KCNQ2: variants seen among roughly 807,000 people sequenced by gnomAD.
KCNQ2 encodes potassium voltage-gated channel subfamily Q member 2.
Under a neutral mutation model 84.8 loss-of-function variants are expected in KCNQ2, and 14 were observed. The ratio of observed to expected loss-of-function variants is 0.17; its 90% CI spans 0.11 to 0.26. KCNQ2 has a LOEUF of 0.26. Among genes scored for constraint, KCNQ2 ranks in the 10% least tolerant of loss-of-function variants. KCNQ2 has a pLI of 1.00. For missense variants in KCNQ2, 788 were observed against 1,254.0 expected (o/e 0.63, Z 5.61); for synonymous variants, 599 against 554.1 (o/e 1.08, Z -1.14).
chr20:63,433,763 T>TA (rs750405170), intron 8 of KCNQ2, 46 bp downstream of exon 8: 5 of 1,612,910 alleles, frequency 3.1e-6, no homozygotes, highest in Admixed American at 1.7e-5. Flanking sequence ...AAATGGAAAA[T>TA]AAAAAATGAA....
Position 63,414,066 on chromosome 20 carries a change from C to T in KCNQ2, c.1631+22G>A, listed in dbSNP as rs1357715221. On this transcript the variant is annotated intron_variant, in intron 14 of 16. Coordinates refer to ENST00000359125, the MANE Select transcript of KCNQ2 (RefSeq NM_172107.4). The surrounding 1 kb of genome is among the most constrained non-coding windows in gnomAD (Gnocchi z 6.6). ...AGGCCCCTCCTCACTCCCCCAGGCT[C>T]CCGGCTGGGCAGGGGCCTCACCACA... 1.9e-6 allele frequency: 3 copies of T among 1,590,684 alleles called. No homozygotes were observed. Among genetic ancestry groups the T allele is most frequent in the Non-Finnish European group, 2.6e-6 (3 of 1,159,666 alleles).
intron 11 of KCNQ2, among the ~76,000 whole-genome samples, chr20:63,421,342 T>C (rs3787128): frequency 0.54 from 82,530 of 152,134 alleles, 22,437 homozygotes; most frequent in East Asian, 0.62. Flanking sequence ...AACAGCCACA[T>C]GTGGCTGGCA....
intron 11 of KCNQ2, chr20:63,422,665 A>G (rs1379304621): frequency 1.3e-5 from 2 of 152,444 alleles, no homozygotes; most frequent in Non-Finnish European, 1.5e-5. Context: ...AAGAGAGGGC[A>G]GACGAGAGAG....
At chr20:63,457,472 G>A (rs1256756962) in intron 1 of KCNQ2, among the ~76,000 whole-genome samples, 1 of 152,204 alleles carries the variant, frequency 6.6e-6, no homozygotes, top group Non-Finnish European at 1.5e-5. Flanking sequence ...GCCTCCAAAC[G>A]GCCTGGGCCT....
At chr20:63,444,259 C>T (rs530431196) in intron 4 of KCNQ2, among the ~76,000 whole-genome samples, 3 of 152,308 alleles carry the variant, frequency 2.0e-5, no homozygotes, top group South Asian at 2.1e-4. Flanking sequence ...GGACAGCGGC[C>T]GCCGCAAGCC....
rs118015498 is a variant in KCNQ2, at chr20:63,431,223, G to A, written c.1148+117C>T. On this transcript the variant is annotated intron_variant, in intron 9 of 16. Coordinates refer to ENST00000359125, the MANE Select transcript of KCNQ2 (RefSeq NM_172107.4). ...TAGGGATGCTCGGTGGGCAGGGACA[G>A]TGGTCACTCTGCAGACCGGGTGGGC... is the stretch of plus-strand genomic sequence containing the variant. 0.037 allele frequency: 42,834 copies of A among 1,164,560 alleles called. 1,021 individuals are homozygous for A. The highest frequency in any genetic ancestry group is 0.043 in the Non-Finnish European group (33,544 of 772,530). The allele number at this position is 1,164,560 out of a possible 1,614,324, so 72.1% of individuals were successfully genotyped here.
At chr20:63,453,454 T>C (rs992737416) in intron 1 of KCNQ2, among the ~76,000 whole-genome samples, 1 of 152,242 alleles carries the variant, frequency 6.6e-6, no homozygotes, top group South Asian at 2.1e-4. Flanking sequence ...CTGGGAAAAA[T>C]GCGCAGACAT....
intron 4 of KCNQ2, among the ~76,000 whole-genome samples, chr20:63,443,142 C>A: frequency 1.5e-5 from 1 of 68,894 alleles, no homozygotes. Context: ...CCATCATCAC[C>A]ACCACCATCA....
intron 8 of KCNQ2, among the ~76,000 whole-genome samples, chr20:63,431,742 A>G (rs2080793096): frequency 6.6e-6 from 1 of 152,184 alleles, no homozygotes; most frequent in African/African-American, 2.4e-5. Flanking sequence ...GCAGGTAGCA[A>G]CTGAGGACTG....
chr20:63,421,210 C>G (rs6010930), intron 11 of KCNQ2, among the ~76,000 whole-genome samples: 1,771 of 152,370 alleles, frequency 0.012, 37 homozygotes, highest in African/African-American at 0.041. Flanking sequence ...CGGGCCGGCC[C>G]TGCCGCCCGA....
At chr20:63,424,316 G>A (rs1428428429) in intron 10 of KCNQ2, 110 bp from the exon 11 acceptor site, 9 of 1,305,558 alleles carry the variant, frequency 6.9e-6, no homozygotes, top group Middle Eastern at 2.1e-4. Flanking sequence ...GCAGGGGAGG[G>A]GGGTCTCAGA....
At chr20:63,470,720 G>A (rs1175188224) in intron 1 of KCNQ2, 3 of 152,298 alleles carry the variant, frequency 2.0e-5, no homozygotes, top group Non-Finnish European at 4.4e-5. Flanking sequence ...ACCTTGGGCA[G>A]GGACCTGGCT....
At chr20:63,413,243 G>A (rs1045906844) in intron 15 of KCNQ2, 11 of 610,714 alleles carry the variant, frequency 1.8e-5, no homozygotes, top group African/African-American at 3.7e-5. Flanking sequence ...GCCCACCGCG[G>A]TGTGGATGGG....
Position 63,424,085 on chromosome 20 carries a change from AC to A in KCNQ2, c.1247+91del, listed in dbSNP as rs772312070. The A allele has an allele frequency of 2.8e-6, 4 of 1,408,238 alleles. No individual in the cohort carries two copies. The South Asian group carries it at 4.9e-5, about 17-fold the overall frequency. 87.2% of individuals were successfully genotyped at this position (1,408,238 alleles called of 1,614,324 possible). A position where few individuals can be genotyped will look rare whatever the true frequency, so the allele number is the denominator to read the frequency against. ...ACACGGAAGCACACACAAGGCCCTCACATCTCCATGACAGGTTGCGCACACG... is the reference window on the plus strand; with the variant it reads ...ACACGGAAGCACACACAAGGCCCTCAATCTCCATGACAGGTTGCGCACACG... On this transcript the variant is annotated intron_variant, in intron 11 of 16. Transcript: ENST00000359125.
At chr20:63,459,062 T>C (rs1482363755) in intron 1 of KCNQ2, 1 of 152,084 alleles carries the variant, frequency 6.6e-6, no homozygotes, top group African/African-American at 2.4e-5. Context: ...GTAGATAAAC[T>C]GAGGTCCGTC....
chr20:63,433,161 A>C (rs2080882769), intron 8 of KCNQ2, among the ~76,000 whole-genome samples: 3 of 152,234 alleles, frequency 2.0e-5, no homozygotes, highest in Admixed American at 2.0e-4. Flanking sequence ...TAAAACAAAA[A>C]AACACGGGAA....
At chr20:63,445,147 C>A (rs768099339) in intron 3 of KCNQ2, 91 bp downstream of exon 3, 23 of 1,564,852 alleles carry the variant, frequency 1.5e-5, no homozygotes, top group Non-Finnish European at 1.8e-5. Context: ...GCCTCTCTGG[C>A]CCACGCAGAC....
intron 1 of KCNQ2, among the ~76,000 whole-genome samples, chr20:63,468,243 G>C (rs529902836): frequency 1.9e-3 from 295 of 152,332 alleles, no homozygotes; most frequent in African/African-American, 6.7e-3. Flanking sequence ...TACACAGGAG[G>C]CTGTGGGAAG....
Position 63,472,453 on chromosome 20 carries a change from T to A in KCNQ2, c.11A>T (p.Lys4Met). Residue 4 changes from lysine to methionine, a missense_variant, in exon 1 of 17, where the codon AAG (lysine) becomes ATG (methionine). Lys to Met is a moderately conservative substitution (Grantham distance 95). Around this residue, in one of 8 missense-constraint regions of KCNQ2, gnomAD observed 41 missense variants for 41.2 expected, o/e 0.99. Coordinates refer to ENST00000359125, the MANE Select transcript of KCNQ2 (RefSeq NM_172107.4). Reference protein sequence around the residue: MVQKSRNGGVYPGP... With the variant: MVQMSRNGGVYPGP... ...GGGGTATACGCCGCCGTTGCGCGAC[T>A]TCTGCACCATGGTGCCTGGCGGGAG... 1 of 1,522,082 alleles carries A rather than the reference T, an allele frequency of 6.6e-7. No individual in the cohort carries two copies. The highest frequency in any genetic ancestry group is 8.8e-7 in the Non-Finnish European group (1 of 1,142,012). The allele number at this position is 1,522,082 out of a possible 1,614,324, so 94.3% of individuals were successfully genotyped here.
Sources: allele counts gnomAD v4.1 joint callset (sites outside exome capture counted in the v4.1 genomes callset), GRCh38; gene constraint gnomAD v4.1.1; regional missense constraint gnomAD v4.1.1; non-coding constraint Gnocchi (gnomAD v3.1); transcripts MANE v1.5; gene names NCBI Gene and HGNC (gene_info 2026-07-23, HGNC 2026-07-21).